Variants in ZNF827 observed in about 807,000 individuals in gnomAD.
ZNF827 encodes the protein zinc finger protein 827.
ZNF827 carries 13 observed loss-of-function variants against 102.4 expected under a neutral mutation model. That is an observed-to-expected ratio of 0.13 (90% CI 0.08 to 0.20). The LOEUF is 0.20. ZNF827 is among the 10% of genes least tolerant of loss of function. The pLI, the probability that ZNF827 is intolerant of heterozygous loss-of-function variation, is 1.00. For missense variants in ZNF827, 1,103 were observed against 1,344.4 expected, an observed-to-expected ratio of 0.82 and a Z score of 2.81; for synonymous variants, 523 against 536.2, an observed-to-expected ratio of 0.98 and a Z score of 0.34.
chr4:145,758,130 G>A lies in ZNF827; in HGVS notation c.*3486C>T, dbSNP rs1212594624. On this transcript the variant is annotated 3_prime_UTR_variant, in exon 15 of 15. Coordinates refer to ENST00000508784, the MANE Select transcript of ZNF827 (RefSeq NM_001306215.2). ...ATTAATAACAATAATAATATAAAAA[G>A]TCAAACAAACTCCAAACACACCTTT... is the stretch of plus-strand genomic sequence containing the variant. 3 of 152,046 alleles carry A rather than the reference G, an allele frequency of 2.0e-5. No homozygotes were observed. Among genetic ancestry groups the A allele is most frequent in the Admixed American group, 2.0e-4 (3 of 15,260 alleles). 9.4% of individuals were successfully genotyped at this position (152,046 alleles called of 1,614,324 possible).
intron 8 of ZNF827, among the ~76,000 whole-genome samples, chr4:145,794,088 C>T (rs369409322): frequency 6.6e-6 from 1 of 152,138 alleles, no homozygotes; most frequent in Admixed American, 6.5e-5. Flanking sequence ...TTTTACGGAA[C>T]GTGTACTAGA....
chr4:145,910,264 CAGAGTGAGTTCGAA>C (rs1248279745), intron 1 of ZNF827, among the ~76,000 whole-genome samples: 3 of 152,174 alleles, frequency 2.0e-5, no homozygotes, highest in African/African-American at 7.2e-5. Flanking sequence ...CACTCCTCTG[CAGAGTGAGTTCGAA>C]AAAGTAGCTA....
chr4:145,797,776 T>C (rs1463167239), intron 8 of ZNF827, among the ~76,000 whole-genome samples: 2 of 152,240 alleles, frequency 1.3e-5, no homozygotes, highest in Middle Eastern at 3.2e-3. Context: ...AAAGCTTCTG[T>C]GGTATAAATG....
intron 5 of ZNF827, among the ~76,000 whole-genome samples, chr4:145,854,886 C>A (rs1000016675): frequency 7.2e-5 from 11 of 152,170 alleles, no homozygotes; most frequent in African/African-American, 2.4e-4. Flanking sequence ...CCTTACACAG[C>A]AATTATTTTG....
chr4:145,898,010 T>G (rs1286221065), intron 2 of ZNF827, among the ~76,000 whole-genome samples: 1 of 151,968 alleles, frequency 6.6e-6, no homozygotes, highest in African/African-American at 2.4e-5. Flanking sequence ...CAAAAATTAG[T>G]CGGGTGTGGT....
intron 1 of ZNF827, among the ~76,000 whole-genome samples, chr4:145,916,649 T>C (rs895509706): frequency 3.3e-5 from 5 of 152,204 alleles, no homozygotes; most frequent in Admixed American, 2.0e-4. Context: ...CTCCTGAAAA[T>C]GTTCTTTCAT....
At chr4:145,864,389 A>C (rs986400092) in intron 5 of ZNF827, among the ~76,000 whole-genome samples, 3 of 138,736 alleles carry the variant, frequency 2.2e-5, no homozygotes, top group Non-Finnish European at 4.6e-5. Flanking sequence ...GTTCAAGACC[A>C]GCCTGGGCAA....
At chr4:145,772,440 G>A (rs1396802696) in intron 11 of ZNF827, among the ~76,000 whole-genome samples, 1 of 152,112 alleles carries the variant, frequency 6.6e-6, no homozygotes, top group Non-Finnish European at 1.5e-5. Context: ...CTAAATACAG[G>A]AAACCCTTGC....
chr4:145,794,621 G>T (rs1444494946), intron 8 of ZNF827, among the ~76,000 whole-genome samples: 1 of 151,994 alleles, frequency 6.6e-6, no homozygotes, highest in African/African-American at 2.4e-5. Context: ...GATAGGATGG[G>T]ATGGGATGGG....
chr4:145,936,200 C>G (rs1057242898), intron 1 of ZNF827, among the ~76,000 whole-genome samples: 1 of 151,852 alleles, frequency 6.6e-6, no homozygotes, highest in Admixed American at 6.5e-5. Flanking sequence ...GACAAGAGCC[C>G]GGCAGCGGGG....
Position 145,759,310 on chromosome 4 carries a change from CT to C in ZNF827, c.*2305del, listed in dbSNP as rs1453807814. The C allele has an allele frequency of 9.9e-5, 15 of 152,112 alleles. No individual in the cohort carries two copies. Among genetic ancestry groups the C allele is most frequent in the African/African-American group, 3.1e-4 (13 of 41,414 alleles). 9.4% of individuals were successfully genotyped at this position (152,112 alleles called of 1,614,324 possible). On this transcript the variant is annotated 3_prime_UTR_variant, in exon 15 of 15. Coordinates refer to ENST00000508784, the MANE Select transcript of ZNF827 (RefSeq NM_001306215.2). ...TTTTTTCTTTTTAAATCACCCATTACTTTTTAAGATTAGCAAAGAGCTTTAC... is the reference window on the plus strand; with the variant it reads ...TTTTTTCTTTTTAAATCACCCATTACTTTTAAGATTAGCAAAGAGCTTTAC...
chr4:145,938,820 T>G lies in ZNF827; in HGVS notation c.-413A>C, dbSNP rs951999291. Among the ~76,000 whole-genome samples the G allele has an allele frequency of 2.0e-5, 3 of 151,908 alleles. No homozygotes were observed. On this transcript the variant is annotated 5_prime_UTR_variant, in exon 1 of 15. Transcript: ENST00000508784. ...TGTGTCTCCGAGCCCCTAACACTAA[T>G]GTCGGGATCAAAGGGCAGCGGCGGC... is the stretch of plus-strand genomic sequence containing the variant.
At chr4:145,824,598 CAGAG>C (rs1218392489) in intron 7 of ZNF827, among the ~76,000 whole-genome samples, 5 of 152,156 alleles carry the variant, frequency 3.3e-5, no homozygotes, top group Admixed American at 2.6e-4. Context: ...CCATGGGAGA[CAGAG>C]AGGGAGTGGT....
chr4:145,873,627 GA>G (rs1222218252), intron 4 of ZNF827, among the ~76,000 whole-genome samples: 1 of 152,194 alleles, frequency 6.6e-6, no homozygotes, highest in Non-Finnish European at 1.5e-5. Flanking sequence ...ATATGAATCT[GA>G]ATCAAAGGGA....
intron 1 of ZNF827, among the ~76,000 whole-genome samples, chr4:145,928,686 G>A (rs1753600357): frequency 6.6e-6 from 1 of 152,216 alleles, no homozygotes; most frequent in Non-Finnish European, 1.5e-5. Flanking sequence ...TGCTAGGATA[G>A]GGATTACTAT....
intron 11 of ZNF827, among the ~76,000 whole-genome samples, chr4:145,772,601 G>A (rs959562004): frequency 7.9e-5 from 12 of 152,122 alleles, no homozygotes; most frequent in African/African-American, 2.4e-4. Flanking sequence ...TTCAACAGCC[G>A]AGTTGAGTAG....
intron 8 of ZNF827, among the ~76,000 whole-genome samples, chr4:145,779,769 A>C (rs1432098250): frequency 6.6e-6 from 1 of 152,212 alleles, no homozygotes; most frequent in African/African-American, 2.4e-5. Flanking sequence ...CCAGCCAACT[A>C]ACCCTCTAGT....
At chr4:145,846,493 C>CAAAA (rs372677526) in intron 6 of ZNF827, among the ~76,000 whole-genome samples, 1 of 140,734 alleles carries the variant, frequency 7.1e-6, no homozygotes, top group Non-Finnish European at 1.5e-5. Flanking sequence ...AACAAACAAA[C>CAAAA]AAAAAAACAC....
chr4:145,770,859 C>T (rs1222843194), intron 11 of ZNF827: 1 of 152,182 alleles, frequency 6.6e-6, no homozygotes, highest in Non-Finnish European at 1.5e-5. Context: ...ACATTTTAAG[C>T]CTCTTGGTAT....
Sources: allele counts gnomAD v4.1 joint callset (sites outside exome capture counted in the v4.1 genomes callset), GRCh38; gene constraint gnomAD v4.1.1; transcripts MANE v1.5; gene names NCBI Gene and HGNC (gene_info 2026-07-23, HGNC 2026-07-21).